ERMP1: variants seen among roughly 807,000 people sequenced by gnomAD.
ERMP1 encodes the protein endoplasmic reticulum metallopeptidase 1.
A neutral mutation model predicts 92.0 loss-of-function variants in ERMP1; 86 were observed. That is an observed-to-expected ratio of 0.93 (90% CI 0.79 to 1.12). The LOEUF (loss-of-function observed/expected upper bound fraction) is 1.12. Among genes scored for constraint, ERMP1 ranks in the 50% most tolerant of loss-of-function variants. The probability of loss-of-function intolerance (pLI) is 0.00; values close to 1 mark genes in which losing one functional copy is unlikely to be tolerated. For missense variants in ERMP1, 1,342 were observed against 1,116.3 expected (o/e 1.20, Z -2.88); for synonymous variants, 530 against 412.8 (o/e 1.28, Z -3.44).
At chr9:5,842,409 G>C (rs1174087240) in intron 6 of ERMP1, among the ~76,000 whole-genome samples, 2 of 149,244 alleles carry the variant, frequency 1.3e-5, no homozygotes, top group African/African-American at 4.9e-5. Flanking sequence ...CTCCAGCCTG[G>C]GTGACAGGCA....
intron 13 of ERMP1, chr9:5,791,328 A>G: frequency 2.2e-6 from 1 of 456,002 alleles, no homozygotes; most frequent in Non-Finnish European, 4.4e-6. Context: ...GTCTGCTAGC[A>G]GAATTCCCCA....
intron 4 of ERMP1, among the ~76,000 whole-genome samples, 186 bp downstream of exon 4, chr9:5,823,710 C>G (rs1829628818): frequency 6.6e-6 from 1 of 150,550 alleles, no homozygotes; most frequent in Non-Finnish European, 1.5e-5. Context: ...AAGCACTATA[C>G]AAGTGTTAGA....
In ERMP1 at chr9:5,832,984, A is replaced by C; in HGVS notation, c.44T>G (p.Val15Gly). Residue 15 changes from valine to glycine, a missense_variant, in exon 1 of 15, where the codon GTC (valine) becomes GGC (glycine). Coordinates refer to ENST00000339450, the MANE Select transcript of ERMP1 (RefSeq NM_024896.3). ...SESAAVRRHR[V>G]GVERREGAAA... ...CGCTCCCTCTCGACGCTCTACTCCG[A>C]CGCGGTGCCGCCTCACAGCAGCCGA... The C allele has an allele frequency of 1.9e-6, 3 of 1,561,022 alleles. No homozygotes were observed. The highest frequency in any genetic ancestry group is 2.6e-6 in the Non-Finnish European group (3 of 1,164,616).
chr9:5,849,741 C>A (rs1043042059), intron 6 of ERMP1, among the ~76,000 whole-genome samples: 3 of 152,184 alleles, frequency 2.0e-5, no homozygotes, highest in African/African-American at 7.2e-5. Context: ...TTACTCTGTT[C>A]TAGCACACTT....
intron 7 of ERMP1, 85 bp downstream of exon 7, chr9:5,811,026 G>A: frequency 2.4e-6 from 2 of 833,264 alleles, no homozygotes; most frequent in Non-Finnish European, 3.8e-6. Flanking sequence ...TAGCTTTCTG[G>A]GAAGATATAA....
chr9:5,811,310 T>C lies in ERMP1; in HGVS notation c.1128A>G (p.Leu376=), dbSNP rs112036244. The change falls in exon 7 of 15, where the codon TTA becomes TTG. Residue 376 remains leucine, a synonymous_variant. Transcript: ENST00000339450. The part of the protein sequence containing the change: ...DSIQRAGDNI[L]AVLKHLATSD... ...ATGTAGCTAGATGCTTAAGAACTGC[T>C]AAAATGTTGTCACCTATTAGTAAAA... is the stretch of plus-strand genomic sequence containing the variant. 6.2e-7 allele frequency: 1 copy of C among 1,607,046 alleles called. No homozygotes were observed. The highest frequency in any genetic ancestry group is 1.3e-5 in the African/African-American group (1 of 74,110).
At chr9:5,817,653 T>A (rs35484290) in intron 4 of ERMP1, among the ~76,000 whole-genome samples, 1 of 152,016 alleles carries the variant, frequency 6.6e-6, no homozygotes, top group Middle Eastern at 3.2e-3. Flanking sequence ...GTGTGTTCAT[T>A]TCTCAAGAAT....
Position 5,810,093 on chromosome 9 carries a change from T to C in ERMP1, c.1466A>G (p.Tyr489Cys), listed in dbSNP as rs200917902. ...AGTTCCATACAGACAAACGGAGACA[T>C]AGAAGTGGTTATACCATGAGAGAGA... The part of the protein sequence containing the change: ...GQSLSWYNHF[Y>C]VSVCLYGTAT... Residue 489 changes from tyrosine to cysteine, a missense_variant, in exon 8 of 15, where the codon TAT becomes TGT. Tyr to Cys is a radical substitution (Grantham distance 194, BLOSUM62 -2). Coordinates refer to ENST00000339450, the MANE Select transcript of ERMP1 (RefSeq NM_024896.3). The C allele has an allele frequency of 2.0e-4, 324 of 1,613,816 alleles. No individual in the cohort carries two copies. Among genetic ancestry groups the C allele is most frequent in the Non-Finnish European group, 2.6e-4 (306 of 1,179,852 alleles).
chr9:5,832,085 TAAA>T (rs71487835), intron 1 of ERMP1, among the ~76,000 whole-genome samples: 1 of 135,826 alleles, frequency 7.4e-6, no homozygotes. Context: ...TTAAAGGTCT[TAAA>T]AAAAAAAAAA....
chr9:5,811,346 AAAG>A (rs1007230300), intron 6 of ERMP1, 23 bp from the exon 7 acceptor site: 11 of 1,540,932 alleles, frequency 7.1e-6, no homozygotes, highest in Non-Finnish European at 8.8e-6. Flanking sequence ...ACAAAAAAAA[AAAG>A]AAAGAAAAGG....
intron 13 of ERMP1, 45 bp downstream of exon 13, chr9:5,797,772 G>A (rs1828493506): frequency 8.3e-7 from 1 of 1,202,112 alleles, no homozygotes; most frequent in Admixed American, 2.1e-5. Flanking sequence ...TTATTAACAA[G>A]TTTAAGAAAT....
chr9:5,866,027 TTAA>T (rs1033116471), intron 5 of ERMP1, among the ~76,000 whole-genome samples: 9 of 152,148 alleles, frequency 5.9e-5, no homozygotes, highest in Non-Finnish European at 7.3e-5. Context: ...TGTGTTACTT[TTAA>T]TAATAATTTT....
At chr9:5,832,399 C>G (rs1380799971) in intron 1 of ERMP1, 5 of 397,476 alleles carry the variant, frequency 1.3e-5, no homozygotes, top group Non-Finnish European at 2.2e-5. Context: ...GGGGAGACGA[C>G]TCACAACCAA....
chr9:5,788,466 A>G (rs182642033), intron 13 of ERMP1, among the ~76,000 whole-genome samples: 55 of 152,354 alleles, frequency 3.6e-4, no homozygotes, highest in Non-Finnish European at 6.3e-4. Context: ...GAAGATGAAA[A>G]GAAGCAAAAG....
Position 5,832,779 on chromosome 9 carries a change from C to A in ERMP1, c.249G>T (p.Ala83=). 1 of 1,500,130 alleles carries A rather than the reference C, an allele frequency of 6.7e-7. No individual in the cohort carries two copies. Among genetic ancestry groups the A allele is most frequent in the East Asian group, 2.8e-5 (1 of 35,710 alleles). 92.9% of individuals were successfully genotyped at this position (1,500,130 alleles called of 1,614,324 possible). ...AALGLALYLI[A]LRTLVQLSLQ... is the part of the protein sequence containing the mutation. ...GCGAGAGCTGCACCAGCGTCCGCAG[C>A]GCGATCAGGTAGAGCGCGAGCCCCA... The change falls in exon 1 of 15, where the codon GCG becomes GCT. Residue 83 remains alanine, a synonymous_variant. Coordinates refer to ENST00000339450, the MANE Select transcript of ERMP1 (RefSeq NM_024896.3).
intron 6 of ERMP1, among the ~76,000 whole-genome samples, chr9:5,857,948 C>A (rs1367110161): frequency 6.6e-6 from 1 of 152,218 alleles, no homozygotes. Flanking sequence ...TCAACTGACA[C>A]ATATTTGAGC....
chr9:5,857,406 GCA>G (rs1830391431), intron 6 of ERMP1, among the ~76,000 whole-genome samples: 1 of 152,140 alleles, frequency 6.6e-6, no homozygotes, highest in Admixed American at 6.5e-5. Context: ...TGCACATCCA[GCA>G]ACTCAAAATT....
In ERMP1 at chr9:5,798,804, A is replaced by G. The variant is rs1828551759; in HGVS notation, c.2270+2T>C. ...CCTTAAGCAGAAAAATAATGAACCA[A>G]CCTGATCAGAAAGTGCACTGGAAGA... is the stretch of plus-strand genomic sequence containing the variant. On this transcript the variant is annotated splice_donor_variant, in intron 12 of 14. Transcript: ENST00000339450. LOFTEE classifies it high-confidence loss of function. 6.2e-7 allele frequency: 1 copy of G among 1,608,822 alleles called. No individual in the cohort carries two copies. The highest frequency in any genetic ancestry group is 8.5e-7 in the Non-Finnish European group (1 of 1,175,304).
chr9:5,851,489 C>T (rs1166318207), intron 6 of ERMP1, among the ~76,000 whole-genome samples: 1 of 152,154 alleles, frequency 6.6e-6, no homozygotes, highest in East Asian at 1.9e-4. Flanking sequence ...GAAACACATG[C>T]ACACAGATAA....
Sources: allele counts gnomAD v4.1 joint callset (sites outside exome capture counted in the v4.1 genomes callset), GRCh38; gene constraint gnomAD v4.1.1; transcripts MANE v1.5; gene names NCBI Gene and HGNC (gene_info 2026-07-23, HGNC 2026-07-21).